The following LUZP2 variants were observed in gnomAD, a reference collection of about 807,000 sequenced individuals.
LUZP2 encodes the protein leucine zipper protein 2.
A neutral mutation model predicts 51.6 loss-of-function variants in LUZP2; 52 were observed. The observed-to-expected ratio is 1.01, with a 90% CI of 0.81 to 1.27. The LOEUF (loss-of-function observed/expected upper bound fraction) is 1.27, where lower values mean the gene tolerates loss of function less well. Ranked by LOEUF, LUZP2 falls within the 50% of genes most tolerant of loss-of-function variation. The pLI, the probability that LUZP2 is intolerant of heterozygous loss-of-function variation, is 0.00. For missense variants in LUZP2, 436 were observed against 395.4 expected (o/e 1.10, Z -0.87); for synonymous variants, 154 against 137.3 (o/e 1.12, Z -0.85).
chr11:24,819,958 C>G (rs921447633), intron 5 of LUZP2, among the ~76,000 whole-genome samples: 7 of 152,048 alleles, frequency 4.6e-5, no homozygotes, highest in African/African-American at 1.7e-4. Context: ...ATTATTCATG[C>G]ATTTTATTCA....
rs192159754 is a variant in LUZP2 at position 24,544,104 on chromosome 11, G to A, written c.62+46799G>A. On this transcript the variant is annotated intron_variant, in intron 1 of 11. Coordinates refer to ENST00000336930, the MANE Select transcript of LUZP2 (RefSeq NM_001009909.4). ...CTTTAAAATATCATTCCAACTTCCG[G>A]TGCTGAGGGAAGGGATCTAAGAAGG... is the stretch of plus-strand genomic sequence containing the variant. Among the ~76,000 whole-genome samples, 241 of 151,998 alleles carry A rather than the reference G, an allele frequency of 1.6e-3. 1 individual carries two copies. The highest frequency in any genetic ancestry group is 5.5e-3 in the African/African-American group (229 of 41,458).
At position 24,949,006 on chromosome 11, in the gene LUZP2, G is replaced by A. The variant is rs1160171207; in HGVS notation, c.523-27585G>A. ...AAATATATACACCTACTATGTACCC[G>A]CAAAAATGAAAATAATTAAAACTAA... On this transcript the variant is annotated intron_variant, in intron 7 of 11. Transcript: ENST00000336930. Among the ~76,000 whole-genome samples the A allele has an allele frequency of 2.6e-5, 4 of 151,266 alleles. No homozygotes were observed. The East Asian group carries it at 5.8e-4, about 22-fold the overall frequency.
intron 6 of LUZP2, among the ~76,000 whole-genome samples, chr11:24,906,720 C>T (rs886489044): frequency 6.6e-6 from 1 of 152,002 alleles, no homozygotes; most frequent in South Asian, 2.1e-4. Context: ...GGAGAGGAGA[C>T]AAGAGTCACT....
intron 4 of LUZP2, among the ~76,000 whole-genome samples, chr11:24,742,034 T>G (rs575515536): frequency 7.9e-6 from 1 of 126,084 alleles, no homozygotes; most frequent in African/African-American, 3.3e-5. Context: ...ATTTTATATA[T>G]AAATACATAA....
intron 1 of LUZP2, among the ~76,000 whole-genome samples, chr11:24,641,869 C>T (rs1174329490): frequency 6.6e-6 from 1 of 151,780 alleles, no homozygotes; most frequent in South Asian, 2.1e-4. Flanking sequence ...TCGAATTATT[C>T]AGTAGTTTTA....
At chr11:24,652,879 G>A (rs1451618556) in intron 1 of LUZP2, among the ~76,000 whole-genome samples, 1 of 149,116 alleles carries the variant, frequency 6.7e-6, no homozygotes, top group Non-Finnish European at 1.5e-5. Flanking sequence ...AAGTAATAGG[G>A]TTCAAGCTAG....
At chr11:24,567,176 C>A (rs12362660) in intron 1 of LUZP2, among the ~76,000 whole-genome samples, 62,815 of 149,644 alleles carry the variant, frequency 0.42, 13,609 homozygotes, top group African/African-American at 0.52. Flanking sequence ...GCAATTTTGT[C>A]GTTGAAAGGT....
chr11:24,721,167 A>G (rs948475481), intron 1 of LUZP2, among the ~76,000 whole-genome samples: 2 of 152,156 alleles, frequency 1.3e-5, no homozygotes, highest in Non-Finnish European at 2.9e-5. Flanking sequence ...TGACACAGGG[A>G]TTTCTATTCT....
At chr11:24,556,167 T>C (rs1428024151) in intron 1 of LUZP2, among the ~76,000 whole-genome samples, 10 of 152,186 alleles carry the variant, frequency 6.6e-5, no homozygotes, top group Admixed American at 6.5e-4. Context: ...GTTTTGTGGA[T>C]ATACTTCCAC....
chr11:24,678,481 A>G (rs1439612364), intron 1 of LUZP2, among the ~76,000 whole-genome samples: 2 of 152,146 alleles, frequency 1.3e-5, no homozygotes, highest in East Asian at 3.9e-4. Flanking sequence ...CCTAAATCAA[A>G]TATTTAATTT....
rs543084930 is a variant in LUZP2, at chr11:24,579,308, C to A, written c.62+82003C>A. On this transcript the variant is annotated intron_variant, in intron 1 of 11. Transcript: ENST00000336930. ...TTATTAATTTTTCTTGAGTGAATTG[C>A]AATTTATTATAAATAGAACCTATTT... Among the ~76,000 whole-genome samples, 3 of 151,982 alleles carry A rather than the reference C, an allele frequency of 2.0e-5. No individual in the cohort carries two copies. The South Asian group carries it at 6.2e-4, about 32-fold the overall frequency.
At chr11:24,761,456 A>T (rs890224229) in intron 4 of LUZP2, among the ~76,000 whole-genome samples, 4 of 152,192 alleles carry the variant, frequency 2.6e-5, no homozygotes, top group African/African-American at 9.7e-5. Flanking sequence ...TCAACATGAG[A>T]TTAGGGTGGG....
chr11:25,024,396 C>T (rs192403700), intron 9 of LUZP2, among the ~76,000 whole-genome samples: 40 of 151,624 alleles, frequency 2.6e-4, no homozygotes, highest in African/African-American at 9.8e-4. Flanking sequence ...ATTTAGAAAA[C>T]CCCATCGTCT....
intron 1 of LUZP2, among the ~76,000 whole-genome samples, chr11:24,536,218 A>G (rs923073102): frequency 6.6e-6 from 1 of 151,772 alleles, no homozygotes; most frequent in Admixed American, 6.6e-5. Flanking sequence ...GATTTTTGAA[A>G]TGGTCAGTGA....
chr11:24,503,015 G>T (rs1018706523), intron 1 of LUZP2, among the ~76,000 whole-genome samples: 10 of 152,094 alleles, frequency 6.6e-5, no homozygotes, highest in African/African-American at 2.2e-4. Context: ...AGGAATAAAA[G>T]ATAGTATTGA....
intron 5 of LUZP2, among the ~76,000 whole-genome samples, chr11:24,900,951 A>T (rs1853260895): frequency 6.6e-6 from 1 of 152,108 alleles, no homozygotes; most frequent in Admixed American, 6.6e-5. Context: ...CATAAATTAT[A>T]CCTGATCACC....
intron 1 of LUZP2, among the ~76,000 whole-genome samples, chr11:24,566,442 C>T: frequency 6.7e-6 from 1 of 149,080 alleles, no homozygotes. Context: ...GACTTTCCTG[C>T]CTCAGCCTCC....
intron 1 of LUZP2, among the ~76,000 whole-genome samples, chr11:24,561,693 G>C (rs1852045853): frequency 6.6e-6 from 1 of 151,958 alleles, no homozygotes; most frequent in South Asian, 2.1e-4. Flanking sequence ...GATAGGAGAG[G>C]GATAGCATTA....
At chr11:24,497,715 C>A (rs1590103774) in intron 1 of LUZP2, among the ~76,000 whole-genome samples, 1 of 152,140 alleles carries the variant, frequency 6.6e-6, no homozygotes, top group East Asian at 1.9e-4. Context: ...TCTCCCTTCC[C>A]CCAAGTGTGC....
Sources: gnomAD v4.1 joint callset for allele counts (sites outside exome capture counted in the v4.1 genomes callset) on GRCh38, gnomAD v4.1.1 for gene constraint, MANE v1.5 for transcripts, NCBI Gene and HGNC (gene_info 2026-07-23, HGNC 2026-07-21) for gene names.